STX5: variants seen among roughly 807,000 people sequenced by gnomAD.
STX5 encodes syntaxin-5.
A neutral mutation model predicts 42.9 loss-of-function variants in STX5; 15 were observed. The ratio of observed to expected loss-of-function variants is 0.35; its 90% CI spans 0.23 to 0.54. STX5 has a LOEUF of 0.54. STX5 is among the 20% of genes least tolerant of loss of function. The probability of loss-of-function intolerance (pLI) is 0.91; values close to 1 mark genes in which losing one functional copy is unlikely to be tolerated. For missense variants in STX5, 430 were observed against 455.0 expected, an observed-to-expected ratio of 0.95 and a Z score of 0.50; for synonymous variants, 184 against 173.2, an observed-to-expected ratio of 1.06 and a Z score of -0.49.
Position 62,824,447 on chromosome 11 carries a change from G to C in STX5, c.786+12C>G. On this transcript the variant is annotated intron_variant, in intron 9 of 10. Coordinates refer to ENST00000294179, the MANE Select transcript of STX5 (RefSeq NM_003164.5). ...GGAGAAGCTGATTCTACCTAGTTCA[G>C]AGCCTGGGTACCTGCTCGTCAATGA... 6.2e-7 allele frequency: 1 copy of C among 1,614,112 alleles called. No homozygotes were observed. Among genetic ancestry groups the C allele is most frequent in the African/African-American group, 1.3e-5 (1 of 75,062 alleles).
At chr11:62,814,065 C>G (rs2084646332) in intron 10 of STX5, among the ~76,000 whole-genome samples, 2 of 152,170 alleles carry the variant, frequency 1.3e-5, no homozygotes, top group Admixed American at 1.3e-4. Context: ...TTTGGAACAA[C>G]TTGAGCACTC....
At chr11:62,831,327 C>T in intron 1 of STX5, 65 bp from the exon 2 acceptor site, 3 of 1,188,214 alleles carry the variant, frequency 2.5e-6, no homozygotes, top group Non-Finnish European at 3.7e-6. Context: ...CCGCCCCACC[C>T]CAATCAACAA....
intron 2 of STX5, among the ~76,000 whole-genome samples, chr11:62,828,774 T>C (rs1274157474): frequency 1.3e-5 from 2 of 150,474 alleles, no homozygotes; most frequent in Non-Finnish European, 3.0e-5. Flanking sequence ...AATAAATAAA[T>C]ACAGTTACTT....
intron 10 of STX5, among the ~76,000 whole-genome samples, chr11:62,811,543 C>T (rs1251338406): frequency 6.6e-6 from 1 of 152,166 alleles, no homozygotes; most frequent in Non-Finnish European, 1.5e-5. Flanking sequence ...CATGGAACAG[C>T]TTCTCCTTTC....
At chr11:62,828,253 T>G (rs1023040075) in intron 2 of STX5, among the ~76,000 whole-genome samples, 1 of 151,924 alleles carries the variant, frequency 6.6e-6, no homozygotes, top group African/African-American at 2.4e-5. Context: ...TAGCTGGGAC[T>G]ACAGGGCACA....
At chr11:62,817,501 T>C (rs1453562889) in intron 10 of STX5, among the ~76,000 whole-genome samples, 1 of 152,174 alleles carries the variant, frequency 6.6e-6, no homozygotes, top group Non-Finnish European at 1.5e-5. Flanking sequence ...TATAGAAACA[T>C]AACATAATCC....
intron 10 of STX5, chr11:62,823,965 C>T: frequency 1.4e-6 from 1 of 717,214 alleles, no homozygotes. Flanking sequence ...ACTGTATCTC[C>T]CGCACCTGGA....
chr11:62,821,100 G>C (rs1184849667), intron 10 of STX5, among the ~76,000 whole-genome samples: 1 of 151,452 alleles, frequency 6.6e-6, no homozygotes, highest in Non-Finnish European at 1.5e-5. Flanking sequence ...ACAAGGTCAA[G>C]AAATCGAGAC....
chr11:62,827,649 G>A lies in STX5; in HGVS notation c.226-18C>T, dbSNP rs1388061461. The A allele has an allele frequency of 8.7e-6, 14 of 1,614,000 alleles. No individual in the cohort carries two copies. Among genetic ancestry groups the A allele is most frequent in the African/African-American group, 1.3e-5 (1 of 74,908 alleles). On this transcript the variant is annotated intron_variant, in intron 2 of 10. Coordinates refer to ENST00000294179, the MANE Select transcript of STX5 (RefSeq NM_003164.5). Reference sequence around the variant, plus strand: ...ATTCCATTCTGAAAAGCAATGGCAGGAGGTGACAACTTTAGTTCTCCCTTC... The same window carrying A: ...ATTCCATTCTGAAAAGCAATGGCAGAAGGTGACAACTTTAGTTCTCCCTTC...
intron 8 of STX5, 106 bp from the exon 9 acceptor site, chr11:62,824,671 C>T: frequency 9.4e-7 from 1 of 1,062,554 alleles, no homozygotes; most frequent in Middle Eastern, 2.0e-4. Context: ...AGCCTTGTGA[C>T]CCTGGACAGG....
At chr11:62,823,718 G>C (rs1565213172) in intron 10 of STX5, among the ~76,000 whole-genome samples, 1 of 151,978 alleles carries the variant, frequency 6.6e-6, no homozygotes, top group Non-Finnish European at 1.5e-5. Context: ...GCTAGTTTTT[G>C]TATTTTTTTG....
intron 10 of STX5, among the ~76,000 whole-genome samples, chr11:62,809,942 A>ATTTTTG (rs2084598124): frequency 6.6e-6 from 1 of 151,016 alleles, no homozygotes; most frequent in Non-Finnish European, 1.5e-5. Flanking sequence ...TCTCTACTAA[A>ATTTTTG]AATACAAAAA....
At position 62,831,189 on chromosome 11, in the gene STX5, C is replaced by T. The variant is rs1299426013; in HGVS notation, c.55G>A (p.Gly19Ser). 6.4e-7 allele frequency: 1 copy of T among 1,566,060 alleles called. No individual in the cohort carries two copies. The highest frequency in any genetic ancestry group is 1.3e-5 in the African/African-American group (1 of 74,368). Residue 19 changes from glycine to serine, a missense_variant, in exon 2 of 11, where the codon GGT becomes AGT. Gly to Ser is a moderately conservative substitution (Grantham distance 56). Transcript: ENST00000294179. The stretch of plus-strand genomic sequence containing the variant: ...GACAGGACCTGTGTCTTTGAGAGAC[C>T]CAGGTAGACACCCTGATCCGTGTTC... ...SKNTDQGVYL[G>S]LSKTQVLSPA... is the part of the protein sequence containing the mutation.
chr11:62,824,621 C>A, intron 8 of STX5, 56 bp from the exon 9 acceptor site: 1 of 1,550,438 alleles, frequency 6.4e-7, no homozygotes, highest in Non-Finnish European at 8.9e-7. Flanking sequence ...GGTTCAAAGC[C>A]CACATGCTCT....
intron 10 of STX5, among the ~76,000 whole-genome samples, chr11:62,808,433 GAAA>G (rs57347651): frequency 0.019 from 2,346 of 121,474 alleles, 60 homozygotes; most frequent in African/African-American, 0.063. Context: ...GCCTCAGGGG[GAAA>G]AAAAAAAAAA....
intron 2 of STX5, chr11:62,830,359 T>C: frequency 2.9e-6 from 1 of 339,552 alleles, no homozygotes; most frequent in South Asian, 2.3e-5. Flanking sequence ...CAGACCAACC[T>C]GGGCAACATA....
chr11:62,808,567 G>A (rs2084579533), intron 10 of STX5, among the ~76,000 whole-genome samples: 2 of 152,012 alleles, frequency 1.3e-5, no homozygotes, highest in South Asian at 4.1e-4. Context: ...TGAACAACAT[G>A]GTAAGACACT....
At chr11:62,820,791 T>C (rs1397941675) in intron 10 of STX5, among the ~76,000 whole-genome samples, 3 of 151,914 alleles carry the variant, frequency 2.0e-5, no homozygotes, top group Non-Finnish European at 4.4e-5. Context: ...ATTACAGGCG[T>C]GAGCCACTGC....
Position 62,824,569 on chromosome 11 carries a change from G to A in STX5, c.680-4C>T. 6.8e-6 allele frequency: 11 copies of A among 1,613,924 alleles called. No homozygotes were observed. The highest frequency in any genetic ancestry group is 9.3e-6 in the Non-Finnish European group (11 of 1,179,890). On this transcript the variant is annotated splice_polypyrimidine_tract_variant and splice_region_variant and intron_variant, in intron 8 of 10. Transcript: ENST00000294179. ...CCCAGAACCACAGCACCACCGCCTGGGGGAGAAAACAGGATGTGGCACACC... is the reference window on the plus strand; with the variant it reads ...CCCAGAACCACAGCACCACCGCCTGAGGGAGAAAACAGGATGTGGCACACC...
Sources: gnomAD v4.1 joint callset for allele counts (sites outside exome capture counted in the v4.1 genomes callset) on GRCh38, gnomAD v4.1.1 for gene constraint, MANE v1.5 for transcripts, NCBI Gene and HGNC (gene_info 2026-07-23, HGNC 2026-07-21) for gene names.